XYLB: variants seen among roughly 807,000 people sequenced by gnomAD.
XYLB encodes the protein xylulose kinase.
A neutral mutation model predicts 78.7 loss-of-function variants in XYLB; 62 were observed. The observed-to-expected ratio is 0.79, with a 90% confidence interval of 0.64 to 0.97. The LOEUF is 0.97. Among genes scored for constraint, XYLB ranks in the 50% least tolerant of loss-of-function variants. XYLB has a pLI of 0.00. For synonymous variants in XYLB, 245 were observed against 247.4 expected (o/e 0.99, Z 0.09); for missense variants, 687 against 676.8 (o/e 1.02, Z -0.17).
At chr3:38,421,868 A>G (rs1208007071), downstream of XYLB, among the ~76,000 whole-genome samples, 2 of 152,134 alleles carry the variant, frequency 1.3e-5, no homozygotes, top group Non-Finnish European at 2.9e-5. Flanking sequence ...TTTCCAGAGG[A>G]CACTGGGCGA....
chr3:38,433,669 A>C, the XYLB span, among the ~76,000 whole-genome samples: 1 of 152,290 alleles, frequency 6.6e-6, no homozygotes, highest in South Asian at 2.1e-4. Context: ...ATTCCCAAAA[A>C]GTTCTTCATC....
chr3:38,445,625 C>T, the XYLB span, among the ~76,000 whole-genome samples: 1 of 152,178 alleles, frequency 6.6e-6, no homozygotes, highest in African/African-American at 2.4e-5. Flanking sequence ...TTGTTGGGAC[C>T]TTGGAGCTGA....
chr3:38,354,411 G>GC (rs1553649587), intron 2 of XYLB, among the ~76,000 whole-genome samples: 1 of 149,136 alleles, frequency 6.7e-6, no homozygotes, highest in Admixed American at 6.7e-5. Context: ...CCCTCTGTTT[G>GC]TTTTTTTTTC....
the XYLB span, among the ~76,000 whole-genome samples, chr3:38,436,656 A>G: frequency 5.3e-4 from 81 of 152,294 alleles, 1 homozygote; most frequent in Admixed American, 5.2e-3. Flanking sequence ...GAACATTAAT[A>G]CAACATTCCT....
intron 11 of XYLB, 73 bp downstream of exon 11, chr3:38,374,575 G>GT: frequency 6.2e-7 from 1 of 1,600,750 alleles, no homozygotes; most frequent in Non-Finnish European, 8.6e-7. Flanking sequence ...AAGTAGCAGA[G>GT]GTGCTGCTGA....
At chr3:38,376,818 C>T (rs1706880492) in intron 13 of XYLB, 100 bp from the exon 14 acceptor site, 1 of 949,634 alleles carries the variant, frequency 1.1e-6, no homozygotes, top group Non-Finnish European at 1.6e-6. Flanking sequence ...CCAGGGGACC[C>T]AGGGATATGG....
chr3:38,393,677 TA>T (rs1352286439), intron 15 of XYLB, among the ~76,000 whole-genome samples: 6 of 152,176 alleles, frequency 3.9e-5, no homozygotes, highest in Non-Finnish European at 8.8e-5. Flanking sequence ...CCTCTTTCCT[TA>T]GCTTGTAGAT....
chr3:38,395,510 A>G lies in XYLB; in HGVS notation c.1297A>G (p.Lys433Glu). 6.2e-7 allele frequency: 1 copy of G among 1,614,230 alleles called. No homozygotes were observed. The highest frequency in any genetic ancestry group is 8.5e-7 in the Non-Finnish European group (1 of 1,180,040). ...TTTTTTCTTTTCCCTTGCAGTGTCC[A>G]AGACAAAGATTTTGGCCACAGGAGG... ...AEGLGYRVMSKTKILATGGAS... is the reference protein window; with the variant it reads ...AEGLGYRVMSETKILATGGAS... Residue 433 changes from lysine to glutamate, a missense_variant, in exon 16 of 19, where the codon AAG becomes GAG. Physicochemically the swap from Lys to Glu is moderately conservative, Grantham distance 56. Coordinates refer to ENST00000207870, the MANE Select transcript of XYLB (RefSeq NM_005108.4).
intron 1 of XYLB, 150 bp from the exon 2 acceptor site, chr3:38,348,400 C>T (rs760087017): frequency 6.1e-5 from 40 of 655,802 alleles, no homozygotes; most frequent in Non-Finnish European, 1.0e-4. Context: ...TCTGTTACCA[C>T]GATTACGGTG....
intron 15 of XYLB, among the ~76,000 whole-genome samples, chr3:38,385,196 C>T (rs567136255): frequency 3.4e-4 from 51 of 152,120 alleles, no homozygotes; most frequent in Admixed American, 2.9e-3. Flanking sequence ...GACGGGGTTT[C>T]GCCATGTTGC....
the XYLB span, among the ~76,000 whole-genome samples, chr3:38,437,606 G>A: frequency 3.3e-5 from 5 of 152,138 alleles, no homozygotes; most frequent in East Asian, 5.8e-4. Context: ...AAAACCAGTC[G>A]TGTTGCTATA....
At chr3:38,363,248 T>C (rs540424688) in intron 4 of XYLB, among the ~76,000 whole-genome samples, 31 of 152,280 alleles carry the variant, frequency 2.0e-4, no homozygotes, top group Non-Finnish European at 3.7e-4. Flanking sequence ...TTATATAAAA[T>C]AGGACGCTTG....
chr3:38,410,792 A>G (rs1708547850), intron 18 of XYLB, among the ~76,000 whole-genome samples: 1 of 151,964 alleles, frequency 6.6e-6, no homozygotes, highest in Admixed American at 6.6e-5. Context: ...GCTCACCATC[A>G]CTGGCCATCA....
At chr3:38,406,717 C>T (rs1164106660) in intron 18 of XYLB, among the ~76,000 whole-genome samples, 5 of 152,060 alleles carry the variant, frequency 3.3e-5, no homozygotes, top group Non-Finnish European at 5.9e-5. Flanking sequence ...AGCCAAGGCT[C>T]GAGAACTATG....
At chr3:38,449,037 A>G in the XYLB span, among the ~76,000 whole-genome samples, 1 of 152,146 alleles carries the variant, frequency 6.6e-6, no homozygotes, top group East Asian at 1.9e-4. Flanking sequence ...CTGGTTTTTC[A>G]GTGAGTGCAC....
At chr3:38,432,870 C>G in the XYLB span, among the ~76,000 whole-genome samples, 1 of 152,298 alleles carries the variant, frequency 6.6e-6, no homozygotes, top group East Asian at 1.9e-4. Flanking sequence ...GCATTTTTTC[C>G]AGGCACACGG....
the XYLB span, among the ~76,000 whole-genome samples, chr3:38,450,085 G>T: frequency 6.6e-6 from 1 of 152,130 alleles, no homozygotes; most frequent in African/African-American, 2.4e-5. Flanking sequence ...AGTATACACT[G>T]CCCACCCCTC....
chr3:38,426,234 A>G (rs927731074), downstream of XYLB, among the ~76,000 whole-genome samples: 3 of 152,362 alleles, frequency 2.0e-5, no homozygotes, highest in African/African-American at 7.2e-5. Context: ...ACCAGAAACT[A>G]GCTAATCAAA....
At chr3:38,397,216 T>C (rs1707910767) in intron 17 of XYLB, 57 bp downstream of exon 17, 1 of 1,539,976 alleles carries the variant, frequency 6.5e-7, no homozygotes, top group Non-Finnish European at 9.0e-7. Flanking sequence ...TGGGGTGGGC[T>C]GAGGAGGGTG....
Sources: allele counts gnomAD v4.1 joint callset (sites outside exome capture counted in the v4.1 genomes callset), GRCh38; gene constraint gnomAD v4.1.1; transcripts MANE v1.5; gene names NCBI Gene and HGNC (gene_info 2026-07-23, HGNC 2026-07-21).